Variants in RGS2 observed in about 807,000 individuals in gnomAD.
RGS2 encodes G0 to G1 switch regulatory 8, 24kD.
A neutral mutation model predicts 26.6 loss-of-function variants in RGS2; 20 were observed. The observed-to-expected ratio is 0.75, with a 90% CI of 0.53 to 1.09. The LOEUF is 1.09. Ranked by LOEUF, RGS2 falls within the 50% of genes least tolerant of loss-of-function variation. The pLI is 0.00. For missense variants in RGS2, 246 were observed against 245.5 expected, an observed-to-expected ratio of 1.00 and a Z score of -0.01; for synonymous variants, 97 against 79.9, an observed-to-expected ratio of 1.21 and a Z score of -1.14.
chr1:192,810,269 T>G lies in RGS2; in HGVS notation c.212+2T>G. 1 of 1,612,250 alleles carries G rather than the reference T, an allele frequency of 6.2e-7. No individual in the cohort carries two copies. The highest frequency in any genetic ancestry group is 8.5e-7 in the Non-Finnish European group (1 of 1,178,230). ...AAGCAAACAGCAAGCTTTCATCAAGTAAGTTGAGAATCCTGTGCTTGCAAA... is the reference window on the plus strand; with the variant it reads ...AAGCAAACAGCAAGCTTTCATCAAGGAAGTTGAGAATCCTGTGCTTGCAAA... On this transcript the variant is annotated splice_donor_variant, in intron 2 of 4. Coordinates refer to ENST00000235382, the MANE Select transcript of RGS2 (RefSeq NM_002923.4). LOFTEE classifies it high-confidence loss of function.
At chr1:192,809,852 C>G (rs1429801626) in intron 1 of RGS2, among the ~76,000 whole-genome samples, 10 of 152,152 alleles carry the variant, frequency 6.6e-5, no homozygotes, top group African/African-American at 2.4e-4. Flanking sequence ...CAAACTGATG[C>G]CCTTTGTGAG....
rs1170486646 is a variant in RGS2, at chr1:192,809,099, C to G, written c.28C>G (p.Gln10Glu). 2.5e-6 allele frequency: 4 copies of G among 1,613,926 alleles called. No homozygotes were observed. The highest frequency in any genetic ancestry group is 1.1e-5 in the South Asian group (1 of 91,070). The part of the protein sequence containing the change: MQSAMFLAV[Q>E]HDCRPMDKSA... ...GCAAAGTGCTATGTTCTTGGCTGTT[C>G]AACACGACTGCAGACCCATGGACAA... Residue 10 changes from glutamine (Q) to glutamate (E), a missense_variant, in exon 1 of 5, where the codon CAA becomes GAA. By Grantham distance (29) the Gln-to-Glu change is conservative. Transcript: ENST00000235382.
At chr1:192,810,684 A>T in intron 3 of RGS2, 2 of 613,992 alleles carry the variant, frequency 3.3e-6, no homozygotes, top group East Asian at 5.5e-5. Flanking sequence ...CAGTTTTTCC[A>T]TTGCATACAA....
Position 192,810,229 on chromosome 1 carries a change from C to T in RGS2, c.174C>T (p.Pro58=). Reference sequence around the variant, plus strand: ...AAAATTCCTCTACTCCTGGGAAGCCCAAAACCGGCAAAAAAAGCAAACAGC... The same window carrying T: ...AAAATTCCTCTACTCCTGGGAAGCCTAAAACCGGCAAAAAAAGCAAACAGC... The part of the protein sequence containing the change: ...FLQNSSTPGK[P]KTGKKSKQQA... Residue 58 remains proline, a synonymous_variant, in exon 2 of 5, where the codon CCC becomes CCT. Transcript: ENST00000235382. 4 of 1,613,968 alleles carry T rather than the reference C, an allele frequency of 2.5e-6. No individual in the cohort carries two copies. The highest frequency in any genetic ancestry group is 3.4e-6 in the Non-Finnish European group (4 of 1,179,868).
At chr1:192,809,766 C>G (rs1665555261) in intron 1 of RGS2, among the ~76,000 whole-genome samples, 1 of 152,148 alleles carries the variant, frequency 6.6e-6, no homozygotes, top group African/African-American at 2.4e-5. Flanking sequence ...GAAGCGTGGG[C>G]CGGCTCCAGA....
chr1:192,809,168 A>G lies in RGS2; in HGVS notation c.97A>G (p.Met33Val), dbSNP rs1665546315. The stretch of plus-strand genomic sequence containing the variant: ...CAAGAGCGAGGAGAAGCGAGAAAAG[A>G]TGAAACGGACCCTGTGAGTATGGCT... ...GHKSEEKREK[M>V]KRTLLKDWKT... Residue 33 changes from methionine (M) to valine (V), a missense_variant, in exon 1 of 5, where the codon ATG becomes GTG. By Grantham distance (21) the Met-to-Val change is conservative (BLOSUM62 1). Transcript: ENST00000235382. The G allele has an allele frequency of 1.2e-6, 2 of 1,611,370 alleles. No individual in the cohort carries two copies. The highest frequency in any genetic ancestry group is 1.7e-6 in the Non-Finnish European group (2 of 1,177,632).
At chr1:192,809,436 C>T (rs1310382987) in intron 1 of RGS2, 1 of 505,388 alleles carries the variant, frequency 2.0e-6, no homozygotes, top group Non-Finnish European at 3.6e-6. Flanking sequence ...TTTTTGTCCT[C>T]CTGCATTCAA....
At position 192,811,780 on chromosome 1, in the gene RGS2, T is replaced by C; in HGVS notation, c.*184T>C. On this transcript the variant is annotated 3_prime_UTR_variant, in exon 5 of 5. Transcript: ENST00000235382. ...AGTAACTGACTAGGAGAAGCTGGTA[T>C]CAGAACAGCTTCCCTCACTGTGTAC... The C allele has an allele frequency of 1.5e-6, 1 of 655,380 alleles. No homozygotes were observed. Among genetic ancestry groups the C allele is most frequent in the Non-Finnish European group, 2.7e-6 (1 of 363,904 alleles). 40.6% of individuals were successfully genotyped at this position (655,380 alleles called of 1,614,324 possible). A position where few individuals can be genotyped will look rare whatever the true frequency, so the allele number is the denominator to read the frequency against.
chr1:192,810,708 C>CT, intron 3 of RGS2: 2 of 609,162 alleles, frequency 3.3e-6, no homozygotes, highest in Non-Finnish European at 5.8e-6. Context: ...TTTCAAGAGG[C>CT]TTAGTTCCCA....
rs776204539 is a variant in RGS2 at position 192,811,474 on chromosome 1, A to G, written c.514A>G (p.Thr172Ala). The G allele has an allele frequency of 1.2e-6, 2 of 1,614,134 alleles. No homozygotes were observed. Among genetic ancestry groups the G allele is most frequent in the South Asian group, 2.2e-5 (2 of 91,084 alleles). Reference sequence around the variant, plus strand: ...AGAAGCTACAAGTGGCTGCTTTACAACTGCCCAGAAAAGGGTATACAGCTT... The same window carrying G: ...AGAAGCTACAAGTGGCTGCTTTACAGCTGCCCAGAAAAGGGTATACAGCTT... ...IQEATSGCFT[T>A]AQKRVYSLME... is the part of the protein sequence containing the mutation. Residue 172 changes from threonine to alanine, a missense_variant, in exon 5 of 5, where the codon ACT becomes GCT. Coordinates refer to ENST00000235382, the MANE Select transcript of RGS2 (RefSeq NM_002923.4).
intron 1 of RGS2, 141 bp from the exon 2 acceptor site, chr1:192,810,025 C>T: frequency 4.5e-6 from 3 of 672,782 alleles, no homozygotes; most frequent in South Asian, 3.3e-5. Flanking sequence ...GTGGATAAGA[C>T]TTATTTGAAG....
At chr1:192,811,235 G>C in intron 4 of RGS2, 88 bp downstream of exon 4, 1 of 1,522,588 alleles carries the variant, frequency 6.6e-7, no homozygotes, top group Non-Finnish European at 9.1e-7. Flanking sequence ...AGCGGGCTAG[G>C]AGGGGTAAAA....
At position 192,811,836 on chromosome 1, in the gene RGS2, C is replaced by G. The variant is rs868053520; in HGVS notation, c.*240C>G. ...GCAAGAAGGGAATAGGTGGTCTGAACGTGGTGTCTCACTCTGAAAAGCAGG... is the reference window on the plus strand; with the variant it reads ...GCAAGAAGGGAATAGGTGGTCTGAAGGTGGTGTCTCACTCTGAAAAGCAGG... On this transcript the variant is annotated 3_prime_UTR_variant, in exon 5 of 5. Transcript: ENST00000235382. 1 of 549,192 alleles carries G rather than the reference C, an allele frequency of 1.8e-6. No homozygotes were observed. Among genetic ancestry groups the G allele is most frequent in the Non-Finnish European group, 3.3e-6 (1 of 304,920 alleles). The allele number at this position is 549,192 out of a possible 1,614,324, so 34.0% of individuals were successfully genotyped here.
intron 1 of RGS2, chr1:192,809,384 T>TA (rs1665549609): frequency 1.7e-6 from 1 of 593,270 alleles, no homozygotes; most frequent in Admixed American, 2.5e-5. Context: ...AGACAGTTGA[T>TA]ATGAGGGCGG....
rs1002879466 is a variant in RGS2, at chr1:192,810,756, T to C, written c.275-225T>C. On this transcript the variant is annotated intron_variant, in intron 3 of 4. Coordinates refer to ENST00000235382, the MANE Select transcript of RGS2 (RefSeq NM_002923.4). ...CTCCCCTATAAATATTTACTTTGCA[T>C]TGACAGCAAAGTACTTATATTTTTG... The C allele has an allele frequency of 1.9e-5, 12 of 620,488 alleles. No homozygotes were observed. The African/African-American group carries it at 2.0e-4, about 11-fold the overall frequency. The allele number at this position is 620,488 out of a possible 1,614,324, so 38.4% of individuals were successfully genotyped here.
intron 4 of RGS2, 103 bp downstream of exon 4, chr1:192,811,250 C>T (rs886287100): frequency 9.1e-5 from 128 of 1,412,108 alleles, no homozygotes; most frequent in Non-Finnish European, 1.2e-4. Context: ...GTAAAAAGTC[C>T]CTCCACGTTG....
At chr1:192,810,015 G>A in intron 1 of RGS2, 151 bp from the exon 2 acceptor site, 2 of 657,904 alleles carry the variant, frequency 3.0e-6, no homozygotes, top group Admixed American at 2.4e-5. Flanking sequence ...TAAATGTTAG[G>A]TGGATAAGAC....
Position 192,810,404 on chromosome 1 carries a change from G to A in RGS2, c.247G>A (p.Ala83Thr). The A allele has an allele frequency of 6.2e-7, 1 of 1,614,198 alleles. No homozygotes were observed. The highest frequency in any genetic ancestry group is 8.5e-7 in the Non-Finnish European group (1 of 1,180,030). ...SPEEAQLWSE[A>T]FDELLASKYG... is the part of the protein sequence containing the mutation. ...TGAGGAAGCACAGCTGTGGTCAGAA[G>A]CATTTGACGAGCTGCTAGCCAGCAA... The change falls in exon 3 of 5, where the codon GCA becomes ACA. Residue 83 changes from alanine to threonine, a missense_variant. By Grantham distance (58) the Ala-to-Thr change is moderately conservative. Transcript: ENST00000235382.
chr1:192,810,202 AC>A lies in RGS2; in HGVS notation c.148del (p.Gln50LysfsTer39). 6.2e-7 allele frequency: 1 copy of A among 1,613,792 alleles called. No homozygotes were observed. The highest frequency in any genetic ancestry group is 8.5e-7 in the Non-Finnish European group (1 of 1,179,634). ...GGAAGACCCGTTTGAGCTACTTCTTACAAAATTCCTCTACTCCTGGGAAGCC... is the reference window on the plus strand; with the variant it reads ...GGAAGACCCGTTTGAGCTACTTCTTAAAAATTCCTCTACTCCTGGGAAGCC... The part of the protein sequence containing the change: ...DWKTRLSYFL[Q>X]NSSTPGKPKT... On this transcript the variant is annotated frameshift_variant, in exon 2 of 5. Transcript: ENST00000235382. LOFTEE classifies it high-confidence loss of function.
Sources: gnomAD v4.1 joint callset for allele counts (sites outside exome capture counted in the v4.1 genomes callset) on GRCh38, gnomAD v4.1.1 for gene constraint, MANE v1.5 for transcripts, NCBI Gene and HGNC (gene_info 2026-07-23, HGNC 2026-07-21) for gene names.